The following STPG2 variants were observed in gnomAD, a reference collection of about 807,000 sequenced individuals.
STPG2 encodes sperm tail PG-rich repeat containing 2, also known as sperm-tail PG-rich repeat-containing protein 2.
STPG2 carries 56 observed loss-of-function variants against 54.2 expected under a neutral mutation model. The observed-to-expected ratio is 1.03, with a 90% CI of 0.83 to 1.29. The LOEUF is 1.29. Ranked by LOEUF, STPG2 falls within the 50% of genes most tolerant of loss-of-function variation. The pLI is 0.00. For synonymous variants in STPG2, 200 were observed against 181.8 expected (o/e 1.10, Z -0.81); for missense variants, 596 against 544.9 (o/e 1.09, Z -0.93).
At chr4:97,812,315 C>T (rs1376420047) in intron 9 of STPG2, among the ~76,000 whole-genome samples, 1 of 152,002 alleles carries the variant, frequency 6.6e-6, no homozygotes, top group Non-Finnish European at 1.5e-5. Flanking sequence ...AGTCTTTTAT[C>T]TCTACTTGAA....
At chr4:97,757,524 C>T (rs2149050371) in intron 9 of STPG2, among the ~76,000 whole-genome samples, 1 of 152,266 alleles carries the variant, frequency 6.6e-6, no homozygotes, top group South Asian at 2.1e-4. Context: ...TTAGGTCACT[C>T]AATGCATTCC....
At chr4:97,587,649 A>T (rs1733033630) in intron 10 of STPG2, among the ~76,000 whole-genome samples, 1 of 151,986 alleles carries the variant, frequency 6.6e-6, no homozygotes, top group African/African-American at 2.4e-5. Flanking sequence ...GAAGTTTGGA[A>T]GTATTTTACA....
chr4:97,692,764 A>G (rs6822735), intron 10 of STPG2, among the ~76,000 whole-genome samples: 89,511 of 151,988 alleles, frequency 0.59, 26,678 homozygotes, highest in South Asian at 0.68. Flanking sequence ...CTAAAGTCAA[A>G]ACAAAAGTAA....
At chr4:98,051,029 A>G (rs1166794131) in intron 5 of STPG2, among the ~76,000 whole-genome samples, 1 of 140,684 alleles carries the variant, frequency 7.1e-6, no homozygotes, top group Non-Finnish European at 1.6e-5. Flanking sequence ...AAAAAAGGAA[A>G]AAAATTGATG....
intron 10 of STPG2, among the ~76,000 whole-genome samples, chr4:97,607,964 A>G (rs1015020268): frequency 6.6e-6 from 1 of 151,802 alleles, no homozygotes; most frequent in African/African-American, 2.4e-5. Flanking sequence ...TAATTATTCA[A>G]TACACGTGGG....
chr4:97,612,901 T>C (rs980793115), intron 10 of STPG2, among the ~76,000 whole-genome samples: 1 of 152,034 alleles, frequency 6.6e-6, no homozygotes, highest in Non-Finnish European at 1.5e-5. Flanking sequence ...TATATAATGA[T>C]AATTAAAAAT....
chr4:97,907,146 G>C (rs919243703), intron 8 of STPG2, among the ~76,000 whole-genome samples: 4 of 152,144 alleles, frequency 2.6e-5, no homozygotes, highest in Admixed American at 2.0e-4. Flanking sequence ...ATCTCCTTAA[G>C]CTGATAAGCA....
chr4:97,899,627 T>C (rs1206510887), intron 8 of STPG2, among the ~76,000 whole-genome samples: 4 of 151,926 alleles, frequency 2.6e-5, no homozygotes, highest in Admixed American at 2.6e-4. Flanking sequence ...AACAGGCACA[T>C]AAACCAACAG....
intron 5 of STPG2, among the ~76,000 whole-genome samples, chr4:98,033,482 G>A (rs1440163077): frequency 1.3e-5 from 2 of 151,880 alleles, no homozygotes; most frequent in Non-Finnish European, 1.5e-5. Flanking sequence ...ACCAAAAAAT[G>A]TCCAGGACCA....
At chr4:97,823,061 A>G (rs1728135627) in intron 9 of STPG2, among the ~76,000 whole-genome samples, 1 of 152,262 alleles carries the variant, frequency 6.6e-6, no homozygotes. Context: ...AGCTGTCTTC[A>G]TAACATAAAA....
chr4:97,838,865 C>G (rs1271141643), intron 9 of STPG2, among the ~76,000 whole-genome samples: 2 of 151,442 alleles, frequency 1.3e-5, no homozygotes, highest in Admixed American at 1.3e-4. Context: ...ATGGCTTTTT[C>G]CAATGTGTTG....
At chr4:97,892,178 G>A (rs564300180) in intron 8 of STPG2, among the ~76,000 whole-genome samples, 10 of 152,224 alleles carry the variant, frequency 6.6e-5, no homozygotes, top group African/African-American at 2.4e-4. Context: ...GCAAGTTCAA[G>A]CTCTGACTTG....
intron 10 of STPG2, among the ~76,000 whole-genome samples, chr4:97,633,290 T>C (rs911703282): frequency 3.3e-5 from 5 of 152,060 alleles, no homozygotes; most frequent in African/African-American, 1.2e-4. Flanking sequence ...TAATTAAATA[T>C]ACAAATTAAA....
chr4:97,778,692 G>A (rs1364806682), intron 9 of STPG2, among the ~76,000 whole-genome samples: 1 of 152,184 alleles, frequency 6.6e-6, no homozygotes, highest in Non-Finnish European at 1.5e-5. Flanking sequence ...AGTAGGCGCA[G>A]ACTGACACCT....
chr4:97,769,375 A>G (rs1726156684), intron 9 of STPG2, among the ~76,000 whole-genome samples: 1 of 152,170 alleles, frequency 6.6e-6, no homozygotes, highest in South Asian at 2.1e-4. Context: ...ACATGTGAGC[A>G]AGCCCAGTCA....
chr4:97,783,680 G>T (rs186535764), intron 9 of STPG2, among the ~76,000 whole-genome samples: 6 of 152,266 alleles, frequency 3.9e-5, no homozygotes, highest in Non-Finnish European at 7.3e-5. Context: ...CAATCCAAAT[G>T]TCCATCAGTG....
chr4:97,765,893 A>G (rs1726032893), intron 9 of STPG2, among the ~76,000 whole-genome samples: 1 of 152,100 alleles, frequency 6.6e-6, no homozygotes, highest in Admixed American at 6.6e-5. Context: ...GAGTAAGAGA[A>G]CTGTTCTGAG....
At chr4:97,635,752 A>C (rs1721494800) in intron 10 of STPG2, among the ~76,000 whole-genome samples, 1 of 152,174 alleles carries the variant, frequency 6.6e-6, no homozygotes, top group Non-Finnish European at 1.5e-5. Flanking sequence ...GAAGGCCATT[A>C]CATAATGGTA....
intron 10 of STPG2, among the ~76,000 whole-genome samples, chr4:97,651,083 A>G (rs1017473815): frequency 1.3e-5 from 2 of 152,086 alleles, no homozygotes; most frequent in African/African-American, 4.8e-5. Flanking sequence ...GCAAAAGACT[A>G]TACAAAAGGC....
Sources: gnomAD v4.1 joint callset for allele counts (sites outside exome capture counted in the v4.1 genomes callset) on GRCh38, gnomAD v4.1.1 for gene constraint, MANE v1.5 for transcripts, NCBI Gene and HGNC (gene_info 2026-07-23, HGNC 2026-07-21) for gene names.